WDFY4: variants seen among roughly 807,000 people sequenced by gnomAD.
The protein encoded by WDFY4 is WDFY family member 4.
In WDFY4, 169 loss-of-function variants were observed where a neutral mutation model predicts 351.9. That is an observed-to-expected ratio of 0.48 (90% confidence interval 0.42 to 0.55). The LOEUF (loss-of-function observed/expected upper bound fraction) is 0.55. Ranked by LOEUF, WDFY4 falls within the 20% of genes least tolerant of loss-of-function variation. WDFY4 has a pLI of 0.00. For missense variants in WDFY4, 3,803 were observed against 3,935.6 expected (o/e 0.97, Z 0.90); for synonymous variants, 1,622 against 1,574.6 (o/e 1.03, Z -0.71).
chr10:48,805,200 C>T (rs2067211937), intron 25 of WDFY4, 60 bp from the exon 26 acceptor site: 2 of 1,503,750 alleles, frequency 1.3e-6, no homozygotes, highest in Non-Finnish European at 1.8e-6. Context: ...TTAGCAGAAA[C>T]ACAGCAAATT....
chr10:48,715,872 G>A (rs2132243696), intron 2 of WDFY4, among the ~76,000 whole-genome samples: 1 of 150,172 alleles, frequency 6.7e-6, no homozygotes, highest in East Asian at 2.0e-4. Flanking sequence ...GATGGTCTCA[G>A]TCTCCTGACC....
At chr10:48,968,399 TCA>T (rs1221481327) in intron 55 of WDFY4, 1 of 152,508 alleles carries the variant, frequency 6.6e-6, no homozygotes, top group Non-Finnish European at 1.5e-5. Context: ...GAGAGACATC[TCA>T]CAGTCTTATC....
Position 48,900,246 on chromosome 10 carries a change from A to C in WDFY4, c.7463A>C (p.His2488Pro), listed in dbSNP as rs1837286951. The stretch of plus-strand genomic sequence containing the variant: ...GACATCGCCCTGGAGATCTTCTTCC[A>C]CAATGGATATTCCAAGTTTCTTGTC... ...LQDIALEIFF[H>P]NGYSKFLVFY... Residue 2488 changes from histidine to proline, a missense_variant, in exon 46 of 62, where the codon CAC (histidine) becomes CCC (proline). By Grantham distance (77) the His-to-Pro change is moderately conservative. Coordinates refer to ENST00000325239, the MANE Select transcript of WDFY4 (RefSeq NM_001394531.1). The C allele has an allele frequency of 1.3e-6, 2 of 1,551,618 alleles. No individual in the cohort carries two copies. Among genetic ancestry groups the C allele is most frequent in the Non-Finnish European group, 1.7e-6 (2 of 1,146,986 alleles).
intron 47 of WDFY4, among the ~76,000 whole-genome samples, chr10:48,928,059 A>T (rs927619906): frequency 6.6e-6 from 1 of 152,102 alleles, no homozygotes; most frequent in Non-Finnish European, 1.5e-5. Context: ...ATTCCACCCA[A>T]TGTGTTTTAA....
intron 1 of WDFY4, among the ~76,000 whole-genome samples, chr10:48,685,492 G>C (rs2063018562): frequency 6.6e-6 from 1 of 152,228 alleles, no homozygotes; most frequent in African/African-American, 2.4e-5. Context: ...CTCAGAGGGA[G>C]CTGGTCTATC....
At chr10:48,864,620 A>G (rs1304739286) in intron 39 of WDFY4, among the ~76,000 whole-genome samples, 2 of 152,206 alleles carry the variant, frequency 1.3e-5, no homozygotes, top group Non-Finnish European at 2.9e-5. Context: ...TGCAAAAAAG[A>G]GTGATCATTG....
chr10:48,956,188 G>C (rs1841580718), intron 51 of WDFY4, among the ~76,000 whole-genome samples: 2 of 152,240 alleles, frequency 1.3e-5, no homozygotes, highest in Non-Finnish European at 2.9e-5. Flanking sequence ...TCTGGGGAAA[G>C]AATGTGCCTG....
In WDFY4 at chr10:48,969,127, C is replaced by T; in HGVS notation, c.8648C>T (p.Thr2883Ile). 3.9e-6 allele frequency: 6 copies of T among 1,551,798 alleles called. No individual in the cohort carries two copies. The highest frequency in any genetic ancestry group is 5.2e-6 in the Non-Finnish European group (6 of 1,146,994). Residue 2883 changes from threonine to isoleucine, a missense_variant, in exon 56 of 62, where the codon ACT (threonine) becomes ATT (isoleucine). Around this residue, in one of 3 missense-constraint regions of WDFY4, gnomAD observed 3,054 missense variants for 3,148.6 expected, o/e 0.97. Coordinates refer to ENST00000325239, the MANE Select transcript of WDFY4 (RefSeq NM_001394531.1). ...PKGAIGHIVSTEKTILAVERN... is the reference protein window; with the variant it reads ...PKGAIGHIVSIEKTILAVERN... Reference sequence around the variant, plus strand: ...GGGGCCATTGGCCACATTGTCTCTACTGAGAAGACCATTCTGGCTGTAGAG... The same window carrying T: ...GGGGCCATTGGCCACATTGTCTCTATTGAGAAGACCATTCTGGCTGTAGAG...
At chr10:48,767,746 C>T (rs553566946) in intron 13 of WDFY4, among the ~76,000 whole-genome samples, 1 of 152,262 alleles carries the variant, frequency 6.6e-6, no homozygotes, top group African/African-American at 2.4e-5. Flanking sequence ...TGGGGAAGGA[C>T]AGAAGAGTGT....
chr10:48,733,022 A>G (rs7076662), intron 9 of WDFY4, among the ~76,000 whole-genome samples: 72,547 of 152,118 alleles, frequency 0.48, 17,756 homozygotes, highest in Middle Eastern at 0.56. Flanking sequence ...CTTGAATGAA[A>G]TTAATGTATT....
At chr10:48,886,403 G>A (rs74130681) in intron 43 of WDFY4, among the ~76,000 whole-genome samples, 110 of 152,314 alleles carry the variant, frequency 7.2e-4, no homozygotes, top group African/African-American at 2.6e-3. Flanking sequence ...CATTGTAACA[G>A]TATTAAGAGA....
Position 48,916,871 on chromosome 10 carries a change from A to ATGTGTGTG in WDFY4, c.7586+15040_7586+15047dup, listed in dbSNP as rs55891907. ...AAGTAAAAAGTCCTGCTTTAAAAAT[A>ATGTGTGTG]TGTGTGTGTGTGTGTGTGTGTGTGT... On this transcript the variant is annotated intron_variant, in intron 47 of 61. Transcript: ENST00000325239. 5.4e-5 allele frequency among the ~76,000 whole-genome samples: 8 copies of ATGTGTGTG among 149,388 alleles called. No homozygotes were observed. In the East Asian group the frequency reaches 1.0e-3, roughly 19 times the overall value.
At chr10:48,702,113 ACTC>A (rs1428793714) in intron 1 of WDFY4, among the ~76,000 whole-genome samples, 1 of 151,662 alleles carries the variant, frequency 6.6e-6, no homozygotes, top group Non-Finnish European at 1.5e-5. Context: ...CCACCAAGTA[ACTC>A]CTCCTCCTGA....
chr10:48,807,832 C>T, intron 27 of WDFY4, 27 bp from the exon 28 acceptor site: 1 of 1,547,994 alleles, frequency 6.5e-7, no homozygotes. Context: ...CATCCATTTT[C>T]TCTCAAATCT....
chr10:48,762,476 G>A (rs2065538597), intron 13 of WDFY4, among the ~76,000 whole-genome samples: 1 of 152,210 alleles, frequency 6.6e-6, no homozygotes, highest in Non-Finnish European at 1.5e-5. Flanking sequence ...AACTGGGATA[G>A]GAAGTTAAAA....
chr10:48,914,265 G>A, intron 47 of WDFY4: 1 of 1,207,872 alleles, frequency 8.3e-7, no homozygotes, highest in Non-Finnish European at 1.1e-6. Context: ...CTGGTTAGGA[G>A]ATGCCAGAGG....
intron 43 of WDFY4, among the ~76,000 whole-genome samples, chr10:48,884,667 A>G (rs74620344): frequency 8.5e-5 from 13 of 152,282 alleles, no homozygotes; most frequent in Non-Finnish European, 1.3e-4. Flanking sequence ...AGAACTACCT[A>G]TAATTTCCAA....
At chr10:48,693,574 A>G (rs1230184437) in intron 1 of WDFY4, among the ~76,000 whole-genome samples, 1 of 152,222 alleles carries the variant, frequency 6.6e-6, no homozygotes, top group African/African-American at 2.4e-5. Context: ...TTCAGCTCTC[A>G]GAGGAGAAAT....
intron 1 of WDFY4, among the ~76,000 whole-genome samples, chr10:48,686,564 A>G (rs2063056880): frequency 6.6e-6 from 1 of 152,136 alleles, no homozygotes; most frequent in Non-Finnish European, 1.5e-5. Context: ...TTAAATCGCT[A>G]TATATGTATG....
Sources: allele counts gnomAD v4.1 joint callset (sites outside exome capture counted in the v4.1 genomes callset), GRCh38; gene constraint gnomAD v4.1.1; regional missense constraint gnomAD v4.1.1; transcripts MANE v1.5; gene names NCBI Gene and HGNC (gene_info 2026-07-23, HGNC 2026-07-21).